NAV1: variants seen among roughly 807,000 people sequenced by gnomAD.
The protein encoded by NAV1 is pore membrane and/or filament interacting like protein 3.
Under a neutral mutation model 175.2 loss-of-function variants are expected in NAV1, and 18 were observed. The ratio of observed to expected loss-of-function variants is 0.10; its 90% confidence interval spans 0.07 to 0.15. The LOEUF is 0.15. Among genes scored for constraint, NAV1 ranks in the 10% least tolerant of loss-of-function variants. The pLI is 1.00. For synonymous variants in NAV1, 897 were observed against 978.7 expected (o/e 0.92, Z 1.56); for missense variants, 1,731 against 2,436.6 (o/e 0.71, Z 6.10).
At chr1:201,616,445 T>G (rs1225870952) in intron 2 of NAV1, among the ~76,000 whole-genome samples, 1 of 151,976 alleles carries the variant, frequency 6.6e-6, no homozygotes, top group Non-Finnish European at 1.5e-5. Flanking sequence ...CACTGACAGA[T>G]CATGACAACT....
upstream of NAV1, among the ~76,000 whole-genome samples, chr1:201,646,391 C>T (rs659470): frequency 0.74 from 112,044 of 152,152 alleles, 41,687 homozygotes; most frequent in African/African-American, 0.81. Context: ...CACCCATGTC[C>T]GTCTACCTGA....
chr1:201,668,648 C>G (rs1571873755), intron 1 of NAV1, among the ~76,000 whole-genome samples: 1 of 152,256 alleles, frequency 6.6e-6, no homozygotes. Flanking sequence ...CACCCCACTG[C>G]TTGGAAGGTT....
intron 1 of NAV1, among the ~76,000 whole-genome samples, chr1:201,576,403 C>T (rs561607270): frequency 6.6e-6 from 1 of 152,148 alleles, no homozygotes; most frequent in South Asian, 2.1e-4. Flanking sequence ...TTTAATCATT[C>T]ATTATTGAAA....
At chr1:201,551,977 C>A (rs1665867606) in intron 1 of NAV1, among the ~76,000 whole-genome samples, 2 of 152,232 alleles carry the variant, frequency 1.3e-5, no homozygotes, top group Non-Finnish European at 2.9e-5. Context: ...TGCCACATCA[C>A]CCCTCTTAGT....
In NAV1 at chr1:201,813,600, C is replaced by T. The variant is rs755241175; in HGVS notation, c.5340+342C>T. Among the ~76,000 whole-genome samples the T allele has an allele frequency of 2.0e-5, 3 of 151,800 alleles. No individual in the cohort carries two copies. The highest frequency in any genetic ancestry group is 4.8e-5 in the African/African-American group (2 of 41,278). On this transcript the variant is annotated intron_variant, in intron 28 of 29. Transcript: ENST00000367296. The surrounding 1 kb of genome is among the most constrained non-coding windows in gnomAD (Gnocchi z 4.2). ...AAAACAAACAAACAAACAAACAAAA[C>T]CTTAGCTACTTACTACTAATAAGTA...
chr1:201,702,654 T>C (rs1257298807), intron 1 of NAV1, among the ~76,000 whole-genome samples: 6 of 149,370 alleles, frequency 4.0e-5, no homozygotes. Context: ...TTTAAAAGGG[T>C]GAATTTTGGT....
At position 201,783,866 on chromosome 1, in the gene NAV1, A is replaced by G; in HGVS notation, c.2804+14A>G. 1 of 1,591,090 alleles carries G rather than the reference A, an allele frequency of 6.3e-7. No homozygotes were observed. The highest frequency in any genetic ancestry group is 8.6e-7 in the Non-Finnish European group (1 of 1,166,318). The stretch of plus-strand genomic sequence containing the variant: ...GCAACTGGACAGGTAGGTAGAAAAG[A>G]CAGCAGAACCTCGGCCTGTCTCCGT... On this transcript the variant is annotated intron_variant, in intron 7 of 29. Coordinates refer to ENST00000367296, the Ensembl canonical transcript of NAV1.
chr1:201,601,155 G>T (rs1667499860), intron 2 of NAV1, among the ~76,000 whole-genome samples: 1 of 152,238 alleles, frequency 6.6e-6, no homozygotes, highest in Non-Finnish European at 1.5e-5. Flanking sequence ...GATAGCTGCT[G>T]TTGTCTGCAT....
chr1:201,540,996 AAG>A (rs1459861200), intron 1 of NAV1, among the ~76,000 whole-genome samples: 1 of 152,234 alleles, frequency 6.6e-6, no homozygotes, highest in Non-Finnish European at 1.5e-5. Flanking sequence ...CACCAGGTGA[AAG>A]AGAACACCAT....
chr1:201,670,173 C>G (rs917511813), intron 1 of NAV1, among the ~76,000 whole-genome samples: 4 of 151,270 alleles, frequency 2.6e-5, no homozygotes, highest in Admixed American at 2.0e-4. Context: ...TGGCAGATCA[C>G]GAGGTCAGGA....
intron 2 of NAV1, among the ~76,000 whole-genome samples, chr1:201,599,384 C>T (rs139993011): frequency 0.014 from 2,125 of 152,322 alleles, 33 homozygotes; most frequent in Admixed American, 0.031. Flanking sequence ...TGGAATCAGC[C>T]ACCCTAGTCC....
At chr1:201,697,361 C>G (rs1671235105) in intron 1 of NAV1, among the ~76,000 whole-genome samples, 8 of 152,182 alleles carry the variant, frequency 5.3e-5, no homozygotes, top group Admixed American at 2.6e-4. Context: ...GATGGAGGAG[C>G]AGATGCTGTG....
At chr1:201,779,300 T>C (rs1018396292) in intron 3 of NAV1, among the ~76,000 whole-genome samples, 5 of 151,816 alleles carry the variant, frequency 3.3e-5, no homozygotes, top group African/African-American at 1.2e-4. Flanking sequence ...AACCCAAAAA[T>C]GAACAGCCAG....
rs778775722 is a variant in NAV1, at chr1:201,787,480, G to A, written c.2995+903G>A. 3.3e-5 allele frequency among the ~76,000 whole-genome samples: 5 copies of A among 152,206 alleles called. No homozygotes were observed. Among genetic ancestry groups the A allele is most frequent in the Non-Finnish European group, 5.9e-5 (4 of 68,032 alleles). ...AACCATTGTTCAGACAGGATCATCTGCCCTCTGAAGGGCTACTAAATGGAG... is the reference window on the plus strand; with the variant it reads ...AACCATTGTTCAGACAGGATCATCTACCCTCTGAAGGGCTACTAAATGGAG... On this transcript the variant is annotated intron_variant, in intron 9 of 29. Transcript: ENST00000367296. The surrounding 1 kb of genome is among the most constrained non-coding windows in gnomAD (Gnocchi z 4.3).
At chr1:201,754,407 A>C (rs922062652) in intron 3 of NAV1, among the ~76,000 whole-genome samples, 9 of 152,332 alleles carry the variant, frequency 5.9e-5, no homozygotes, top group African/African-American at 2.2e-4. Flanking sequence ...GAAGAATTTC[A>C]AGGAGTGACT....
chr1:201,812,515 G>A lies in NAV1; in HGVS notation c.5075G>A (p.Arg1692His), dbSNP rs1678756783. 1.2e-6 allele frequency: 2 copies of A among 1,614,012 alleles called. No individual in the cohort carries two copies. Among genetic ancestry groups the A allele is most frequent in the African/African-American group, 1.3e-5 (1 of 74,894 alleles). Residue 1692 changes from arginine to histidine, a missense_variant, in exon 27 of 30, where the codon CGT (arginine) becomes CAT (histidine). Arg to His is a conservative substitution (Grantham distance 29). Coordinates refer to ENST00000367296, the Ensembl canonical transcript of NAV1. The surrounding 1 kb of genome is among the most constrained non-coding windows in gnomAD (Gnocchi z 4.6). ...GAGCCAGCCAATGGCTTCCTGGTTC[G>A]TTACCTGAGGAGGAAGCTGGTAGAG...
In NAV1 at chr1:201,808,566, GC is replaced by G; in HGVS notation, c.3997del (p.His1333ThrfsTer20). ...CATCCGCTTGGAGGCCCTCAACTCT[GC>G]CCACCAACTGGATCAGCTTCGGGAG... is the stretch of plus-strand genomic sequence containing the variant. On this transcript the variant is annotated frameshift_variant, in exon 19 of 30. Coordinates refer to ENST00000367296, the Ensembl canonical transcript of NAV1. LOFTEE classifies it high-confidence loss of function. The surrounding 1 kb of genome is among the most constrained non-coding windows in gnomAD (Gnocchi z 5.5). The G allele has an allele frequency of 6.2e-7, 1 of 1,614,270 alleles. No homozygotes were observed. Among genetic ancestry groups the G allele is most frequent in the Non-Finnish European group, 8.5e-7 (1 of 1,180,050 alleles).
intron 15 of NAV1, among the ~76,000 whole-genome samples, chr1:201,800,763 C>G (rs1419038528): frequency 1.4e-5 from 2 of 145,874 alleles, no homozygotes; most frequent in East Asian, 4.1e-4. Context: ...TATATGGATA[C>G]GTATATTCAT....
chr1:201,715,165 C>CTT lies in NAV1; in HGVS notation c.860+2261_860+2262dup, dbSNP rs34382311. ...AATGATTCCCTGACTTTTTATGGCT[C>CTT]TTTTTTTTTTTTTTTTGAGACAGAG... On this transcript the variant is annotated intron_variant, in intron 2 of 29. Coordinates refer to ENST00000367296, the Ensembl canonical transcript of NAV1. Among the ~76,000 whole-genome samples the CTT allele has an allele frequency of 1.8e-3, 245 of 133,936 alleles. 3 individuals carry two copies. Among genetic ancestry groups the CTT allele is most frequent in the African/African-American group, 4.5e-3 (162 of 36,220 alleles). 87.9% of individuals were successfully genotyped at this position (133,936 alleles called of 152,430 possible). A position where few individuals can be genotyped will look rare whatever the true frequency, so the allele number is the denominator to read the frequency against.
Sources: allele counts gnomAD v4.1 joint callset (sites outside exome capture counted in the v4.1 genomes callset), GRCh38; gene constraint gnomAD v4.1.1; non-coding constraint Gnocchi (gnomAD v3.1); transcripts MANE v1.5; gene names NCBI Gene and HGNC (gene_info 2026-07-23, HGNC 2026-07-21).